The following CACNA2D4 variants were observed in gnomAD, a reference collection of about 807,000 sequenced individuals.
CACNA2D4 encodes calcium voltage-gated channel auxiliary subunit alpha2delta 4, also known as voltage-dependent calcium channel subunit alpha-2/delta-4.
CACNA2D4 carries 157 observed loss-of-function variants against 163.8 expected under a neutral mutation model. That is an observed-to-expected ratio of 0.96 (90% CI 0.84 to 1.09). The LOEUF is 1.09. Ranked by LOEUF, CACNA2D4 falls within the 50% of genes least tolerant of loss-of-function variation. CACNA2D4 has a pLI of 0.00. For synonymous variants in CACNA2D4, 598 were observed against 586.9 expected, an observed-to-expected ratio of 1.02 and a Z score of -0.27; for missense variants, 1,410 against 1,479.9, an observed-to-expected ratio of 0.95 and a Z score of 0.78.
At chr12:1,807,878 G>A (rs1407555881) in intron 29 of CACNA2D4, among the ~76,000 whole-genome samples, 2 of 152,124 alleles carry the variant, frequency 1.3e-5, no homozygotes, top group East Asian at 1.9e-4. Context: ...AGGTCAGTTC[G>A]TTTCTGCCCT....
In CACNA2D4 at chr12:1,797,441, G is replaced by T. The variant is rs931144061; in HGVS notation, c.3090C>A (p.Ile1030=). Residue 1030 remains isoleucine, a synonymous_variant, in exon 35 of 38, where the codon ATC becomes ATA. Coordinates refer to ENST00000382722, the MANE Select transcript of CACNA2D4 (RefSeq NM_172364.5). The part of the protein sequence containing the change: ...YQPAIREANG[I]VECGPCQKVF... ...ACTTCTGGCAGGGCCCGCACTCCAC[G>T]ATCCCGTTGGCCTCCCGGATGGCCG... is the stretch of plus-strand genomic sequence containing the variant. 6.4e-7 allele frequency: 1 copy of T among 1,564,494 alleles called. No homozygotes were observed. The highest frequency in any genetic ancestry group is 8.6e-7 in the Non-Finnish European group (1 of 1,159,582).
intron 25 of CACNA2D4, among the ~76,000 whole-genome samples, chr12:1,842,382 C>G (rs1865044958): frequency 6.6e-6 from 1 of 152,244 alleles, no homozygotes; most frequent in Admixed American, 6.5e-5. Flanking sequence ...GACAGGCGAG[C>G]TTCCCCTCAC....
chr12:1,866,284 A>T (rs999249754), intron 18 of CACNA2D4, among the ~76,000 whole-genome samples: 2 of 151,980 alleles, frequency 1.3e-5, no homozygotes, highest in Non-Finnish European at 2.9e-5. Context: ...TGACTGATTA[A>T]TTTTTTCAAT....
chr12:1,814,470 T>A (rs1476459923), intron 26 of CACNA2D4, among the ~76,000 whole-genome samples: 1 of 152,164 alleles, frequency 6.6e-6, no homozygotes, highest in Non-Finnish European at 1.5e-5. Flanking sequence ...CGTTTTACAA[T>A]CCTCTTGTAA....
chr12:1,809,701 G>A, intron 29 of CACNA2D4: 2 of 619,810 alleles, frequency 3.2e-6, no homozygotes, highest in Non-Finnish European at 5.7e-6. Context: ...GGCGGGGGGA[G>A]GATTAGGATG....
chr12:1,906,650 T>C (rs1316011535), intron 6 of CACNA2D4, among the ~76,000 whole-genome samples: 1 of 152,220 alleles, frequency 6.6e-6, no homozygotes, highest in Non-Finnish European at 1.5e-5. Context: ...AACTGCTGCA[T>C]GGAAGAAGGA....
chr12:1,809,509 T>C (rs1863639266), intron 29 of CACNA2D4: 5 of 702,470 alleles, frequency 7.1e-6, no homozygotes, highest in Non-Finnish European at 1.3e-5. Flanking sequence ...ATACATCTGG[T>C]GAATATATCT....
At chr12:1,796,438 A>C (rs1376389229) in intron 35 of CACNA2D4, among the ~76,000 whole-genome samples, 2 of 152,226 alleles carry the variant, frequency 1.3e-5, no homozygotes, top group East Asian at 3.8e-4. Flanking sequence ...TGGAGACTAG[A>C]GGAGGCGAAG....
In CACNA2D4 at chr12:1,878,342, G is replaced by A. The variant is rs1465702889; in HGVS notation, c.1692C>T (p.Ile564=). 2 of 1,609,978 alleles carry A rather than the reference G, an allele frequency of 1.2e-6. No individual in the cohort carries two copies. The highest frequency in any genetic ancestry group is 2.2e-5 in the South Asian group (2 of 89,684). ...GGGGCCGGAGGTCGGGATGGGAGAG[G>A]ATGTAGCCATTGTTGGTGTTCAGAA... is the stretch of plus-strand genomic sequence containing the variant. ...YAFLNTNNGY[I]LSHPDLRPLY... Residue 564 remains isoleucine (I), a synonymous_variant, in exon 16 of 38, where the codon ATC becomes ATT. Coordinates refer to ENST00000382722, the MANE Select transcript of CACNA2D4 (RefSeq NM_172364.5). This position sits in a 1 kb window ranked among gnomAD's most constrained non-coding sequence, Gnocchi z 4.6.
At chr12:1,846,519 C>A in intron 24 of CACNA2D4, 75 bp downstream of exon 24, 1 of 1,238,534 alleles carries the variant, frequency 8.1e-7, no homozygotes. Context: ...ACCCATGGCC[C>A]AGGAACACAC....
intron 30 of CACNA2D4, 127 bp from the exon 31 acceptor site, chr12:1,801,245 G>T: frequency 2.6e-6 from 2 of 757,920 alleles, no homozygotes; most frequent in Non-Finnish European, 4.7e-6. Context: ...TAGGACAGCA[G>T]ATCAGAATAC....
Position 1,878,968 on chromosome 12 carries a change from C to T in CACNA2D4, c.1632G>A (p.Ala544=), listed in dbSNP as rs761547317. ...DVALRELMKL[A]PRYKLGVHGY... is the part of the protein sequence containing the mutation. ...GACCCAGGCTCACCTTGTACCGGGGCGCCAGCTTCATCAGCTCTCTCAGGG... is the reference window on the plus strand; with the variant it reads ...GACCCAGGCTCACCTTGTACCGGGGTGCCAGCTTCATCAGCTCTCTCAGGG... The change falls in exon 15 of 38, where the codon GCG becomes GCA. Residue 544 remains alanine (A), a synonymous_variant. Coordinates refer to ENST00000382722, the MANE Select transcript of CACNA2D4 (RefSeq NM_172364.5). This position sits in a 1 kb window ranked among gnomAD's most constrained non-coding sequence, Gnocchi z 4.6. 6.8e-6 allele frequency: 11 copies of T among 1,613,536 alleles called. No individual in the cohort carries two copies. Among genetic ancestry groups the T allele is most frequent in the African/African-American group, 5.3e-5 (4 of 74,898 alleles).
At chr12:1,860,265 C>A (rs374917481) in intron 18 of CACNA2D4, 59 bp from the exon 19 acceptor site, 13 of 1,392,868 alleles carry the variant, frequency 9.3e-6, no homozygotes, top group Admixed American at 3.5e-5. Context: ...CCAGCCCCCA[C>A]CTCGCCCCCA....
rs902550169 is a variant in CACNA2D4 at position 1,811,652 on chromosome 12, T to G, written c.2613+10A>C. On this transcript the variant is annotated intron_variant, in intron 27 of 37. Coordinates refer to ENST00000382722, the MANE Select transcript of CACNA2D4 (RefSeq NM_172364.5). ...TCCCCAGCCCCGACCTGGCCCGACA[T>G]CACACCTACCTGCCGCGTTGCCGCC... The G allele has an allele frequency of 7.1e-6, 11 of 1,558,972 alleles. No individual in the cohort carries two copies. Among genetic ancestry groups the G allele is most frequent in the African/African-American group, 1.4e-5 (1 of 73,286 alleles).
chr12:1,866,850 C>T (rs1379501134), intron 18 of CACNA2D4, among the ~76,000 whole-genome samples: 2 of 147,814 alleles, frequency 1.4e-5, no homozygotes, highest in Admixed American at 6.8e-5. Context: ...CCAGGCTGGT[C>T]ACGAACTCCT....
chr12:1,911,589 G>A (rs1227781194), intron 3 of CACNA2D4, among the ~76,000 whole-genome samples: 6 of 152,270 alleles, frequency 3.9e-5, no homozygotes, highest in South Asian at 4.1e-4. Context: ...AACTTCCCAC[G>A]CGCACCCTCA....
chr12:1,879,597 G>A (rs1865950478), intron 14 of CACNA2D4, among the ~76,000 whole-genome samples: 1 of 152,198 alleles, frequency 6.6e-6, no homozygotes, highest in African/African-American at 2.4e-5. Flanking sequence ...CAGTCACTGG[G>A]GAAGCTGTGG....
At position 1,797,457 on chromosome 12, in the gene CACNA2D4, C is replaced by A; in HGVS notation, c.3074G>T (p.Arg1025Leu). 6.3e-7 allele frequency: 1 copy of A among 1,580,236 alleles called. No individual in the cohort carries two copies. ...YPVFVYQPAI[R>L]EANGIVECGP... Reference sequence around the variant, plus strand: ...GCACTCCACGATCCCGTTGGCCTCCCGGATGGCCGGCTGGTACACGAACAC... The same window carrying A: ...GCACTCCACGATCCCGTTGGCCTCCAGGATGGCCGGCTGGTACACGAACAC... The change falls in exon 35 of 38, where the codon CGG (arginine) becomes CTG (leucine). Residue 1025 changes from arginine to leucine, a missense_variant. Transcript: ENST00000382722.
At chr12:1,810,131 C>G (rs146621214) in intron 29 of CACNA2D4, 147 bp downstream of exon 29, 1 of 658,618 alleles carries the variant, frequency 1.5e-6, no homozygotes, top group African/African-American at 1.8e-5. Flanking sequence ...TGTCAGAACA[C>G]CATGTTCTTC....
Sources: allele counts gnomAD v4.1 joint callset (sites outside exome capture counted in the v4.1 genomes callset), GRCh38; gene constraint gnomAD v4.1.1; non-coding constraint Gnocchi (gnomAD v3.1); transcripts MANE v1.5; gene names NCBI Gene and HGNC (gene_info 2026-07-23, HGNC 2026-07-21).